Variants in VSNL1 observed in about 807,000 individuals in gnomAD.
VSNL1 encodes the protein visinin-like protein 1.
VSNL1 carries 6 observed loss-of-function variants against 20.4 expected under a neutral mutation model. The observed-to-expected ratio is 0.29, with a 90% CI of 0.16 to 0.58. VSNL1 has a LOEUF of 0.58. VSNL1 is among the 20% of genes least tolerant of loss of function. VSNL1 has a pLI of 0.90. For synonymous variants in VSNL1, 93 were observed against 86.4 expected, an observed-to-expected ratio of 1.08 and a Z score of -0.42; for missense variants, 100 against 234.5, an observed-to-expected ratio of 0.43 and a Z score of 3.75.
chr2:17,594,811 G>A (rs57512806), intron 2 of VSNL1, among the ~76,000 whole-genome samples: 16,809 of 152,250 alleles, frequency 0.11, 1,204 homozygotes, highest in African/African-American at 0.2. Context: ...GAGTGGCTCC[G>A]CTGCAAGGCC....
In VSNL1 at chr2:17,649,421, T is replaced by G; in HGVS notation, c.174T>G (p.Tyr58Ter). ...FQQLYVKFFPYGDASKFAQHA... is the reference protein window; with the variant it reads ...FQQLYVKFFP ...GTTCTCCTTTGCAGTTCTTTCCTTA[T>G]GGAGACGCCTCCAAGTTTGCCCAGC... Residue 58 changes from tyrosine to a stop codon, truncating the protein, a stop_gained, in exon 3 of 4, where the codon TAT (tyrosine) becomes TAG (stop). Coordinates refer to ENST00000295156, the MANE Select transcript of VSNL1 (RefSeq NM_003385.5). LOFTEE classifies it high-confidence loss of function. The surrounding 1 kb of genome is among the most constrained non-coding windows in gnomAD (Gnocchi z 6.4). 6.2e-7 allele frequency: 1 copy of G among 1,614,190 alleles called. No individual in the cohort carries two copies. Among genetic ancestry groups the G allele is most frequent in the Non-Finnish European group, 8.5e-7 (1 of 1,180,034 alleles).
Position 17,551,896 on chromosome 2 carries a change from T to TAAAA in VSNL1, c.-6+10995_-6+10998dup, listed in dbSNP as rs34475496. On this transcript the variant is annotated intron_variant, in intron 1 of 3. Coordinates refer to ENST00000295156, the MANE Select transcript of VSNL1 (RefSeq NM_003385.5). Reference sequence around the variant, plus strand: ...TAATAATAATAGCTAGCAATTTTGTTAAAAAAAAAAAAAAAAAAAAGCCCA... The same window carrying TAAAA: ...TAATAATAATAGCTAGCAATTTTGTTAAAAAAAAAAAAAAAAAAAAAAAAGCCCA... Among the ~76,000 whole-genome samples the TAAAA allele has an allele frequency of 3.4e-3, 402 of 116,746 alleles. 3 individuals are homozygous for TAAAA. Among genetic ancestry groups the TAAAA allele is most frequent in the African/African-American group, 0.012 (370 of 30,234 alleles). 76.6% of individuals were successfully genotyped at this position (116,746 alleles called of 152,430 possible).
chr2:17,565,932 G>A (rs1663929234), intron 1 of VSNL1, among the ~76,000 whole-genome samples: 1 of 152,088 alleles, frequency 6.6e-6, no homozygotes, highest in Non-Finnish European at 1.5e-5. Context: ...TGCTTCAATG[G>A]GCACTGATTC....
At chr2:17,636,949 T>C (rs1665764757) in intron 2 of VSNL1, among the ~76,000 whole-genome samples, 1 of 152,216 alleles carries the variant, frequency 6.6e-6, no homozygotes, top group South Asian at 2.1e-4. Context: ...AGCTGTTTTG[T>C]TCAATCTCCT....
intron 1 of VSNL1, chr2:17,567,499 C>G (rs955231347): frequency 2.6e-5 from 4 of 151,826 alleles, no homozygotes; most frequent in Admixed American, 2.6e-4. Context: ...GCTGGGACTA[C>G]AGGCGGCCGC....
At chr2:17,585,933 C>T (rs752655641) in intron 1 of VSNL1, among the ~76,000 whole-genome samples, 13 of 151,928 alleles carry the variant, frequency 8.6e-5, no homozygotes, top group Admixed American at 5.9e-4. Context: ...CTCAGCCTCC[C>T]GAGTAGCTGG....
chr2:17,575,115 A>C (rs937589785), intron 1 of VSNL1, among the ~76,000 whole-genome samples: 4 of 152,200 alleles, frequency 2.6e-5, no homozygotes, highest in African/African-American at 9.7e-5. Flanking sequence ...GGCATGAGCC[A>C]CCATGCCCAG....
intron 1 of VSNL1, among the ~76,000 whole-genome samples, chr2:17,552,199 C>CAAAAAAAA (rs34120285): frequency 8.3e-6 from 1 of 120,710 alleles, no homozygotes; most frequent in Non-Finnish European, 1.7e-5. Context: ...GATTCCATCT[C>CAAAAAAAA]AAAAAAAAAA....
intron 2 of VSNL1, among the ~76,000 whole-genome samples, chr2:17,638,129 G>T (rs1019287721): frequency 2.6e-5 from 4 of 152,060 alleles, no homozygotes; most frequent in Admixed American, 2.0e-4. Flanking sequence ...TAGATGAGAG[G>T]TATGTAGAGT....
At chr2:17,542,248 A>G (rs1330501657) in intron 1 of VSNL1, among the ~76,000 whole-genome samples, 1 of 152,082 alleles carries the variant, frequency 6.6e-6, no homozygotes, top group Non-Finnish European at 1.5e-5. Flanking sequence ...ATCCTACATC[A>G]TTGAACAACT....
intron 2 of VSNL1, among the ~76,000 whole-genome samples, chr2:17,604,455 A>G (rs568675022): frequency 6.6e-6 from 1 of 152,358 alleles, no homozygotes; most frequent in East Asian, 1.9e-4. Flanking sequence ...TCCCAGCCAG[A>G]GCTGCCTGCC....
At chr2:17,562,609 C>T (rs879770487) in intron 1 of VSNL1, among the ~76,000 whole-genome samples, 3 of 152,110 alleles carry the variant, frequency 2.0e-5, no homozygotes, top group Non-Finnish European at 4.4e-5. Flanking sequence ...AGAGTCTATC[C>T]ATAATGAGGG....
chr2:17,613,948 A>C (rs1665151889), intron 2 of VSNL1, among the ~76,000 whole-genome samples: 1 of 152,222 alleles, frequency 6.6e-6, no homozygotes, highest in Non-Finnish European at 1.5e-5. Flanking sequence ...TGTATTAGGC[A>C]AATTGTGCTC....
At chr2:17,631,722 G>A (rs1665634448) in intron 2 of VSNL1, among the ~76,000 whole-genome samples, 1 of 152,108 alleles carries the variant, frequency 6.6e-6, no homozygotes, top group Non-Finnish European at 1.5e-5. Flanking sequence ...CTAAAAAGGG[G>A]GTCATATATT....
chr2:17,636,313 A>T (rs1244008785), intron 2 of VSNL1, among the ~76,000 whole-genome samples: 1 of 152,090 alleles, frequency 6.6e-6, no homozygotes, highest in Non-Finnish European at 1.5e-5. Flanking sequence ...TGGGGAGTCC[A>T]AGGGCAGGAA....
chr2:17,562,488 C>A (rs1394777350), intron 1 of VSNL1, among the ~76,000 whole-genome samples: 1 of 151,970 alleles, frequency 6.6e-6, no homozygotes, highest in Non-Finnish European at 1.5e-5. Flanking sequence ...CTTTAGAAAC[C>A]AAAGCAAAAA....
intron 1 of VSNL1, 72 bp from the exon 2 acceptor site, chr2:17,591,998 T>C: frequency 6.3e-7 from 1 of 1,578,036 alleles, no homozygotes. Context: ...CTCAGAACTC[T>C]AGCTTGGCTC....
chr2:17,547,142 G>T (rs1270809457), intron 1 of VSNL1, among the ~76,000 whole-genome samples: 1 of 151,866 alleles, frequency 6.6e-6, no homozygotes, highest in African/African-American at 2.4e-5. Flanking sequence ...CTTCAGCTAG[G>T]TATATTAATA....
chr2:17,547,373 T>C (rs1663427235), intron 1 of VSNL1, among the ~76,000 whole-genome samples: 1 of 152,050 alleles, frequency 6.6e-6, no homozygotes, highest in South Asian at 2.1e-4. Flanking sequence ...CAATAGCTCA[T>C]AAACCACTTT....
Sources: gnomAD v4.1 joint callset for allele counts (sites outside exome capture counted in the v4.1 genomes callset) on GRCh38, gnomAD v4.1.1 for gene constraint, Gnocchi (gnomAD v3.1) non-coding constraint, MANE v1.5 for transcripts, NCBI Gene and HGNC (gene_info 2026-07-23, HGNC 2026-07-21) for gene names.